Variants in TPD52L1 observed in about 807,000 individuals in gnomAD.
TPD52L1 encodes TPD52 like 1, also known as tumor protein D53.
TPD52L1 carries 18 observed loss-of-function variants against 28.7 expected under a neutral mutation model. The ratio of observed to expected loss-of-function variants is 0.63; its 90% CI spans 0.43 to 0.93. The LOEUF is 0.93. TPD52L1 is among the 40% of genes least tolerant of loss of function. The pLI is 0.00. For synonymous variants in TPD52L1, 75 were observed against 88.8 expected (o/e 0.84, Z 0.88); for missense variants, 203 against 254.8 (o/e 0.80, Z 1.39).
chr6:125,169,835 C>T (rs1226936910), intron 1 of TPD52L1, among the ~76,000 whole-genome samples: 1 of 152,158 alleles, frequency 6.6e-6, no homozygotes, highest in Admixed American at 6.5e-5. Context: ...TCCGGTAGTT[C>T]TTCAATTCAC....
At chr6:125,208,882 G>A (rs1759509935) in intron 1 of TPD52L1, 1 of 985,250 alleles carries the variant, frequency 1.0e-6, no homozygotes, top group Non-Finnish European at 1.2e-6. Context: ...CACCAGTGAA[G>A]AGAACCTTTC....
chr6:125,213,689 G>A (rs565228), intron 1 of TPD52L1, among the ~76,000 whole-genome samples: 22,592 of 152,018 alleles, frequency 0.15, 2,055 homozygotes, highest in East Asian at 0.27. Context: ...GAGTGAGTTG[G>A]AGAATTAAAC....
At position 125,229,299 on chromosome 6, in the gene TPD52L1, C is replaced by T. The variant is rs113718703; in HGVS notation, c.284+33C>T. 1.9e-5 allele frequency: 30 copies of T among 1,574,812 alleles called. 1 individual carries two copies. The South Asian group carries it at 3.2e-4, about 17-fold the overall frequency. ...TCATATGAACAGTGTTTTATTAACT[C>T]AGCCTGATGTCTCCTCACTCTGTTG... On this transcript the variant is annotated intron_variant, in intron 3 of 6. Coordinates refer to ENST00000534000, the MANE Select transcript of TPD52L1 (RefSeq NM_003287.4).
intron 1 of TPD52L1, among the ~76,000 whole-genome samples, chr6:125,204,486 T>A (rs757393325): frequency 1.4e-4 from 21 of 150,010 alleles, no homozygotes; most frequent in Non-Finnish European, 2.5e-4. Flanking sequence ...ATTTTTTATT[T>A]TTATTTTTTT....
rs555504788 is a variant in TPD52L1 at position 125,190,385 on chromosome 6, C to T, written c.20-29693C>T. On this transcript the variant is annotated intron_variant, in intron 1 of 6. Coordinates refer to ENST00000534000, the MANE Select transcript of TPD52L1 (RefSeq NM_003287.4). ...GTCACTGCAACAACCAAACTGATAACGGGAACCCATGAGACTCAGAGCCAT... is the reference window on the plus strand; with the variant it reads ...GTCACTGCAACAACCAAACTGATAATGGGAACCCATGAGACTCAGAGCCAT... Among the ~76,000 whole-genome samples, 27 of 152,082 alleles carry T rather than the reference C, an allele frequency of 1.8e-4. No individual in the cohort carries two copies. The South Asian group carries it at 5.0e-3, about 28-fold the overall frequency.
chr6:125,248,440 G>A, intron 4 of TPD52L1, 57 bp downstream of exon 4: 1 of 1,306,218 alleles, frequency 7.7e-7, no homozygotes, highest in Non-Finnish European at 1.1e-6. Flanking sequence ...CCGATTGAAG[G>A]GAGCACTAGC....
chr6:125,216,312 A>G (rs977164507), intron 1 of TPD52L1, among the ~76,000 whole-genome samples: 3 of 152,052 alleles, frequency 2.0e-5, no homozygotes, highest in Non-Finnish European at 4.4e-5. Flanking sequence ...TCCAATGGAT[A>G]GGAAGTCATC....
chr6:125,240,058 C>T (rs1005399066), intron 3 of TPD52L1, among the ~76,000 whole-genome samples: 2 of 152,116 alleles, frequency 1.3e-5, no homozygotes, highest in African/African-American at 4.8e-5. Context: ...TTCCAATTAT[C>T]CCAGTGCCAT....
chr6:125,178,759 T>C (rs927765817), intron 1 of TPD52L1, among the ~76,000 whole-genome samples: 1 of 152,168 alleles, frequency 6.6e-6, no homozygotes, highest in African/African-American at 2.4e-5. Context: ...CAGATGATGC[T>C]ACCTTTTTCT....
intron 1 of TPD52L1, among the ~76,000 whole-genome samples, chr6:125,157,622 C>T (rs150625785): frequency 3.3e-4 from 51 of 152,288 alleles, no homozygotes; most frequent in African/African-American, 1.2e-3. Context: ...TTTCCCGAAA[C>T]ATACAGTAGT....
chr6:125,258,189 C>G (rs976087512), intron 6 of TPD52L1, among the ~76,000 whole-genome samples: 5 of 152,116 alleles, frequency 3.3e-5, no homozygotes, highest in African/African-American at 1.2e-4. Flanking sequence ...TGGTCTACTT[C>G]TACTTTATTA....
intron 1 of TPD52L1, among the ~76,000 whole-genome samples, chr6:125,197,637 T>C (rs1370903251): frequency 1.3e-5 from 2 of 152,126 alleles, no homozygotes; most frequent in African/African-American, 4.8e-5. Flanking sequence ...AAGTCTATTT[T>C]TCACCCAAGG....
chr6:125,184,976 A>ATGCTT (rs1554204575), intron 1 of TPD52L1, among the ~76,000 whole-genome samples: 1 of 152,184 alleles, frequency 6.6e-6, no homozygotes, highest in Non-Finnish European at 1.5e-5. Context: ...TACAAAAACT[A>ATGCTT]TAAGCAATAT....
chr6:125,262,460 T>C (rs988331998), intron 6 of TPD52L1: 11 of 158,988 alleles, frequency 6.9e-5, no homozygotes, highest in Non-Finnish European at 1.2e-4. Flanking sequence ...TATACATTTG[T>C]ACAATTGGAG....
chr6:125,242,625 G>T (rs1234423743), intron 3 of TPD52L1, among the ~76,000 whole-genome samples: 1 of 151,984 alleles, frequency 6.6e-6, no homozygotes, highest in Non-Finnish European at 1.5e-5. Flanking sequence ...CTCACTTTTA[G>T]TTTCCATTTG....
intron 1 of TPD52L1, among the ~76,000 whole-genome samples, chr6:125,162,416 G>A (rs922068529): frequency 1.3e-5 from 2 of 152,250 alleles, no homozygotes; most frequent in Non-Finnish European, 2.9e-5. Context: ...AAGCAAAGGA[G>A]TCCATTTTTG....
chr6:125,209,924 G>A (rs1010928464), intron 1 of TPD52L1, among the ~76,000 whole-genome samples: 1 of 152,146 alleles, frequency 6.6e-6, no homozygotes, highest in Non-Finnish European at 1.5e-5. Context: ...TGGGGTCATG[G>A]CAAGTCATTG....
At chr6:125,188,515 T>C (rs1015069194) in intron 1 of TPD52L1, among the ~76,000 whole-genome samples, 1 of 152,162 alleles carries the variant, frequency 6.6e-6, no homozygotes, top group African/African-American at 2.4e-5. Context: ...GGGTAACAAA[T>C]ACATTTTATA....
intron 1 of TPD52L1, among the ~76,000 whole-genome samples, chr6:125,201,883 A>C (rs535994446): frequency 6.6e-6 from 1 of 152,214 alleles, no homozygotes; most frequent in South Asian, 2.1e-4. Context: ...CAGATTTCAG[A>C]AGGAAAAAGG....
Sources: gnomAD v4.1 joint callset for allele counts (sites outside exome capture counted in the v4.1 genomes callset) on GRCh38, gnomAD v4.1.1 for gene constraint, MANE v1.5 for transcripts, NCBI Gene and HGNC (gene_info 2026-07-23, HGNC 2026-07-21) for gene names.